The following ANO2 variants were observed in gnomAD, a reference collection of about 807,000 sequenced individuals.
ANO2 encodes anoctamin 2.
Under a neutral mutation model 124.2 loss-of-function variants are expected in ANO2, and 101 were observed. That is an observed-to-expected ratio of 0.81 (90% confidence interval 0.69 to 0.96). The LOEUF is 0.96. Ranked by LOEUF, ANO2 falls within the 40% of genes least tolerant of loss-of-function variation. ANO2 has a pLI of 0.00. For synonymous variants in ANO2, 486 were observed against 482.5 expected (o/e 1.01, Z -0.09); for missense variants, 1,293 against 1,274.5 (o/e 1.01, Z -0.22).
chr12:5,573,289 T>C (rs974060141), intron 23 of ANO2, among the ~76,000 whole-genome samples: 4 of 152,166 alleles, frequency 2.6e-5, no homozygotes, highest in Non-Finnish European at 1.5e-5. Context: ...TTCATAGGTG[T>C]TAGTGGAAAA....
Position 5,738,378 on chromosome 12 carries a change from C to T in ANO2, c.1434+939G>A, listed in dbSNP as rs574648095. On this transcript the variant is annotated intron_variant, in intron 13 of 24. Transcript: ENST00000682330. ...TGAGCAGGCTTGTGTTCCATGCAGCCACCTTACTGCTGTGGCCAGTCCTTG... is the reference window on the plus strand; with the variant it reads ...TGAGCAGGCTTGTGTTCCATGCAGCTACCTTACTGCTGTGGCCAGTCCTTG... 5.3e-5 allele frequency among the ~76,000 whole-genome samples: 8 copies of T among 152,308 alleles called. No homozygotes were observed. In the East Asian group the frequency reaches 1.5e-3, roughly 29 times the overall value.
intron 14 of ANO2, among the ~76,000 whole-genome samples, chr12:5,690,204 G>A (rs1948872297): frequency 6.6e-6 from 1 of 152,092 alleles, no homozygotes; most frequent in Non-Finnish European, 1.5e-5. Flanking sequence ...CACACTACAG[G>A]GAAAGTGGCA....
intron 3 of ANO2, among the ~76,000 whole-genome samples, chr12:5,890,526 C>T (rs1173779838): frequency 1.3e-5 from 2 of 152,188 alleles, no homozygotes; most frequent in African/African-American, 4.8e-5. Flanking sequence ...AGAATTCAGC[C>T]TAATAATTTC....
chr12:5,842,608 C>T (rs912462803), intron 4 of ANO2, among the ~76,000 whole-genome samples: 5 of 152,168 alleles, frequency 3.3e-5, no homozygotes, highest in East Asian at 1.9e-4. Flanking sequence ...CTCTTTCGTT[C>T]GCTACCAGCA....
rs367920284 is a variant in ANO2, at chr12:5,922,995, C to T, written c.23-191G>A. Among the ~76,000 whole-genome samples, 11 of 152,006 alleles carry T rather than the reference C, an allele frequency of 7.2e-5. No individual in the cohort carries two copies. In the East Asian group the frequency reaches 1.4e-3, roughly 19 times the overall value. On this transcript the variant is annotated intron_variant, in intron 1 of 24. Transcript: ENST00000682330. ...GGAAGGGAGCATGGAAAAGGAAGTG[C>T]GGCCCCCCGACTGCATACACACACG...
intron 10 of ANO2, among the ~76,000 whole-genome samples, chr12:5,766,434 A>C (rs978036412): frequency 6.6e-6 from 1 of 152,258 alleles, no homozygotes; most frequent in Non-Finnish European, 1.5e-5. Flanking sequence ...TAATGTTGAA[A>C]ATGGAAGCCA....
At chr12:5,622,350 T>G (rs1277484258) in intron 16 of ANO2, among the ~76,000 whole-genome samples, 3 of 152,170 alleles carry the variant, frequency 2.0e-5, no homozygotes, top group African/African-American at 4.8e-5. Context: ...TTTATGAGTT[T>G]TACTTCTAAA....
intron 14 of ANO2, among the ~76,000 whole-genome samples, chr12:5,664,105 T>G (rs1263789919): frequency 6.6e-6 from 1 of 152,268 alleles, no homozygotes; most frequent in Non-Finnish European, 1.5e-5. Context: ...TGCTTACATA[T>G]ACTTATGCAC....
chr12:5,921,487 A>C lies in ANO2; in HGVS notation c.208-121T>G, dbSNP rs1205572541. 3 of 990,690 alleles carry C rather than the reference A, an allele frequency of 3.0e-6. No individual in the cohort carries two copies. In the Admixed American group the frequency reaches 7.4e-5, roughly 25 times the overall value. The allele number at this position is 990,690 out of a possible 1,614,324, so 61.4% of individuals were successfully genotyped here. A position where few individuals can be genotyped will look rare whatever the true frequency, so the allele number is the denominator to read the frequency against. On this transcript the variant is annotated intron_variant, in intron 2 of 24. Coordinates refer to ENST00000682330, the MANE Select transcript of ANO2 (RefSeq NM_001364791.2). ...CTCAGAAGCAAGCCTCTCAGGCCCA[A>C]AGGCCCCCAGTGCCCCCAGTAAAAG...
intron 7 of ANO2, among the ~76,000 whole-genome samples, chr12:5,817,813 A>C (rs954581557): frequency 2.6e-5 from 4 of 152,222 alleles, no homozygotes; most frequent in African/African-American, 9.6e-5. Flanking sequence ...AAACAGGAGC[A>C]AAAATAGATG....
chr12:5,817,042 T>C (rs1279270008), intron 7 of ANO2, among the ~76,000 whole-genome samples: 2 of 152,208 alleles, frequency 1.3e-5, no homozygotes, highest in Non-Finnish European at 2.9e-5. Flanking sequence ...ACATTTGACT[T>C]TGAGACATCA....
At chr12:5,907,375 G>C (rs1940769892) in intron 3 of ANO2, among the ~76,000 whole-genome samples, 1 of 152,220 alleles carries the variant, frequency 6.6e-6, no homozygotes, top group South Asian at 2.1e-4. Context: ...TAGGAATCTA[G>C]TAAGTAGTGG....
At chr12:5,937,570 C>T (rs1942703997) in intron 1 of ANO2, among the ~76,000 whole-genome samples, 1 of 152,036 alleles carries the variant, frequency 6.6e-6, no homozygotes, top group Non-Finnish European at 1.5e-5. Context: ...TATTTATTTG[C>T]ATGTCTAGTA....
At chr12:5,596,707 G>A (rs1223890745) in intron 20 of ANO2, among the ~76,000 whole-genome samples, 2 of 151,900 alleles carry the variant, frequency 1.3e-5, no homozygotes, top group Non-Finnish European at 2.9e-5. Context: ...CATGGTAGAT[G>A]TGTATTCAGT....
chr12:5,891,322 G>A (rs776408204), intron 3 of ANO2, among the ~76,000 whole-genome samples: 1 of 152,174 alleles, frequency 6.6e-6, no homozygotes, highest in Non-Finnish European at 1.5e-5. Context: ...CCCCTAGAAG[G>A]AGAGTGAGAG....
intron 14 of ANO2, among the ~76,000 whole-genome samples, chr12:5,675,536 T>C (rs1225511423): frequency 1.3e-5 from 2 of 152,216 alleles, no homozygotes; most frequent in African/African-American, 4.8e-5. Context: ...CTAGCCTTTC[T>C]TATAGGAAAG....
intron 10 of ANO2, among the ~76,000 whole-genome samples, chr12:5,759,701 C>G (rs1000238967): frequency 6.0e-5 from 9 of 151,040 alleles, no homozygotes; most frequent in African/African-American, 2.0e-4. Context: ...CTGTCCCCAG[C>G]CTGTGGAAAA....
chr12:5,934,160 G>A (rs960683941), intron 1 of ANO2, among the ~76,000 whole-genome samples: 9 of 152,214 alleles, frequency 5.9e-5, no homozygotes, highest in East Asian at 3.9e-4. Flanking sequence ...TAATCTTCAC[G>A]ATAACCCTGA....
chr12:5,771,148 A>G (rs1033980934), intron 10 of ANO2, among the ~76,000 whole-genome samples: 34 of 152,204 alleles, frequency 2.2e-4, no homozygotes, highest in African/African-American at 7.7e-4. Context: ...TAGTGCCTAG[A>G]ATGTGCTTGG....
Sources: allele counts gnomAD v4.1 joint callset (sites outside exome capture counted in the v4.1 genomes callset), GRCh38; gene constraint gnomAD v4.1.1; transcripts MANE v1.5; gene names NCBI Gene and HGNC (gene_info 2026-07-23, HGNC 2026-07-21).